The following ADRA1A variants were observed in gnomAD, a reference collection of about 807,000 sequenced individuals.
ADRA1A encodes the protein adrenoceptor alpha 1A.
ADRA1A carries 31 observed loss-of-function variants against 29.6 expected under a neutral mutation model. The ratio of observed to expected loss-of-function variants is 1.05; its 90% CI spans 0.79 to 1.41. The LOEUF (loss-of-function observed/expected upper bound fraction) is 1.41. Among genes scored for constraint, ADRA1A ranks in the 40% most tolerant of loss-of-function variants. The probability of loss-of-function intolerance (pLI) is 0.00; values close to 1 mark genes in which losing one functional copy is unlikely to be tolerated. For missense variants in ADRA1A, 619 were observed against 601.1 expected (o/e 1.03, Z -0.31); for synonymous variants, 311 against 254.3 (o/e 1.22, Z -2.12).
intron 2 of ADRA1A, among the ~76,000 whole-genome samples, chr8:26,788,982 G>A (rs190546598): frequency 2.2e-4 from 34 of 152,100 alleles, no homozygotes; most frequent in Middle Eastern, 6.8e-3. Context: ...TGTGCGGAAC[G>A]TGCACATTTG....
chr8:26,834,261 G>A (rs547778406), intron 2 of ADRA1A, among the ~76,000 whole-genome samples: 63 of 152,230 alleles, frequency 4.1e-4, no homozygotes, highest in Non-Finnish European at 6.6e-4. Flanking sequence ...TTCTGGGATC[G>A]AAGTCTTTAG....
chr8:26,836,790 A>G (rs1811397665), intron 2 of ADRA1A, among the ~76,000 whole-genome samples: 2 of 152,208 alleles, frequency 1.3e-5, no homozygotes, highest in African/African-American at 4.8e-5. Flanking sequence ...ATCTCTGCTC[A>G]TTGTTCAGAA....
chr8:26,864,742 G>T lies in ADRA1A; in HGVS notation c.228C>A (p.Thr76=). Reference sequence around the variant, plus strand: ...TGGCGGAGAAGGGCAGCACCGTGGAGGTGAGCAGGAGGTCGGCCACCGCCA... The same window carrying T: ...TGGCGGAGAAGGGCAGCACCGTGGATGTGAGCAGGAGGTCGGCCACCGCCA... ...VNLAVADLLL[T]STVLPFSAIF... is the part of the protein sequence containing the mutation. Residue 76 remains threonine, a synonymous_variant, in exon 2 of 3, where the codon ACC becomes ACA. Transcript: ENST00000380573. The surrounding 1 kb of genome is among the most constrained non-coding windows in gnomAD (Gnocchi z 8.1). 1 of 1,614,180 alleles carries T rather than the reference G, an allele frequency of 6.2e-7. No individual in the cohort carries two copies. The highest frequency in any genetic ancestry group is 8.5e-7 in the Non-Finnish European group (1 of 1,180,032).
chr8:26,798,168 A>G (rs747239684), intron 2 of ADRA1A, among the ~76,000 whole-genome samples: 1 of 152,108 alleles, frequency 6.6e-6, no homozygotes, highest in Non-Finnish European at 1.5e-5. Flanking sequence ...TAGTAGAGAC[A>G]GGGTTTTGCC....
intron 2 of ADRA1A, among the ~76,000 whole-genome samples, chr8:26,802,804 C>T (rs1808684198): frequency 6.6e-6 from 1 of 152,092 alleles, no homozygotes; most frequent in South Asian, 2.1e-4. Context: ...TCACAATAGC[C>T]AAGATTTGAA....
At chr8:26,780,630 G>A (rs1469902401) in intron 2 of ADRA1A, among the ~76,000 whole-genome samples, 1 of 152,152 alleles carries the variant, frequency 6.6e-6, no homozygotes, top group Non-Finnish European at 1.5e-5. Flanking sequence ...TTATAGCAGG[G>A]AAACCCCTGG....
intron 2 of ADRA1A, among the ~76,000 whole-genome samples, chr8:26,772,988 T>G (rs548123566): frequency 2.8e-4 from 43 of 152,370 alleles, no homozygotes; most frequent in African/African-American, 1.0e-3. Context: ...AGTCTTTGAA[T>G]GCCTGATTTG....
chr8:26,756,907 T>C, intron 2 of ADRA1A: 1 of 1,410,764 alleles, frequency 7.1e-7, no homozygotes, highest in Non-Finnish European at 9.5e-7. Context: ...ACCCAATGTG[T>C]CCATTTTTCC....
Position 26,799,573 on chromosome 8 carries a change from C to T in ADRA1A, c.884-28907G>A, listed in dbSNP as rs538609878. ...GTTCATTTGATTCTTTGAGGCATGG[C>T]CTTAAGCTTTGCCATTACTTTTAAG... is the stretch of plus-strand genomic sequence containing the variant. On this transcript the variant is annotated intron_variant, in intron 2 of 2. Transcript: ENST00000380573. Among the ~76,000 whole-genome samples, 167 of 152,278 alleles carry T rather than the reference C, an allele frequency of 1.1e-3. 1 individual carries two copies. The highest frequency in any genetic ancestry group is 2.0e-3 in the Non-Finnish European group (134 of 68,018).
Position 26,796,947 on chromosome 8 carries a change from G to A in ADRA1A, c.884-26281C>T, listed in dbSNP as rs549342654. Among the ~76,000 whole-genome samples the A allele has an allele frequency of 3.0e-4, 45 of 152,212 alleles. No homozygotes were observed. The highest frequency in any genetic ancestry group is 5.3e-4 in the Non-Finnish European group (36 of 68,008). On this transcript the variant is annotated intron_variant, in intron 2 of 2. Coordinates refer to ENST00000380573, the MANE Select transcript of ADRA1A (RefSeq NM_000680.4). The surrounding 1 kb of genome is among the most constrained non-coding windows in gnomAD (Gnocchi z 5.0). Reference sequence around the variant, plus strand: ...AGACTGGAATTGAGAGTGAAATGAAGGGAGTCGTATTAGAGCATGAGTTCT... The same window carrying A: ...AGACTGGAATTGAGAGTGAAATGAAAGGAGTCGTATTAGAGCATGAGTTCT...
intron 2 of ADRA1A, among the ~76,000 whole-genome samples, chr8:26,812,641 AT>A (rs1367010246): frequency 6.7e-6 from 1 of 150,046 alleles, no homozygotes; most frequent in African/African-American, 2.4e-5. Context: ...TTATTTATTT[AT>A]TTATTTATTT....
intron 2 of ADRA1A, among the ~76,000 whole-genome samples, chr8:26,853,311 G>C (rs975660905): frequency 6.6e-6 from 1 of 152,186 alleles, no homozygotes; most frequent in Non-Finnish European, 1.5e-5. Flanking sequence ...GATGTTAGCA[G>C]ATGTGCTTAA....
chr8:26,779,634 C>T (rs1343694172), intron 2 of ADRA1A, among the ~76,000 whole-genome samples: 1 of 151,932 alleles, frequency 6.6e-6, no homozygotes. Flanking sequence ...TTGGGGAAGG[C>T]TTTGGGAGGA....
At chr8:26,840,486 T>C (rs1277372859) in intron 2 of ADRA1A, among the ~76,000 whole-genome samples, 1 of 152,134 alleles carries the variant, frequency 6.6e-6, no homozygotes, top group Non-Finnish European at 1.5e-5. Context: ...CCCTAGACTT[T>C]GGTTTGGAAA....
chr8:26,803,149 A>G (rs1471270719), intron 2 of ADRA1A, among the ~76,000 whole-genome samples: 1 of 152,056 alleles, frequency 6.6e-6, no homozygotes, highest in Non-Finnish European at 1.5e-5. Flanking sequence ...ATGAAGAATG[A>G]TATCTAGTAT....
intron 2 of ADRA1A, chr8:26,859,128 C>G (rs1252396642): frequency 7.8e-7 from 1 of 1,289,974 alleles, no homozygotes; most frequent in East Asian, 5.5e-5. Flanking sequence ...TTTTTAATCT[C>G]TTTCCTCTCC....
chr8:26,850,630 G>GA (rs1174608700), intron 2 of ADRA1A, among the ~76,000 whole-genome samples: 3 of 152,282 alleles, frequency 2.0e-5, no homozygotes, highest in African/African-American at 7.2e-5. Flanking sequence ...TGAATAGCTA[G>GA]AATTACAGGT....
chr8:26,865,726 C>T lies in ADRA1A; in HGVS notation c.-686-71G>A, dbSNP rs371014394. On this transcript the variant is annotated intron_variant, in intron 1 of 2. Transcript: ENST00000380573. This position sits in a 1 kb window ranked among gnomAD's most constrained non-coding sequence, Gnocchi z 7.6. ...GGGAAAGAGGCTGTGCTGAGCTTGA[C>T]GGGTTGGGGGACACCAGTTGGGAGC... is the stretch of plus-strand genomic sequence containing the variant. 3.0e-6 allele frequency: 3 copies of T among 985,452 alleles called. No homozygotes were observed. The highest frequency in any genetic ancestry group is 1.7e-5 in the African/African-American group (1 of 57,336). The allele number at this position is 985,452 out of a possible 1,614,324, so 61.0% of individuals were successfully genotyped here. A position where few individuals can be genotyped will look rare whatever the true frequency, so the allele number is the denominator to read the frequency against.
intron 2 of ADRA1A, chr8:26,859,032 C>T (rs1442246208): frequency 4.0e-6 from 5 of 1,237,124 alleles, no homozygotes; most frequent in African/African-American, 1.6e-5. Flanking sequence ...GCCTACTCAC[C>T]TGATTTTCCT....
Sources: allele counts gnomAD v4.1 joint callset (sites outside exome capture counted in the v4.1 genomes callset), GRCh38; gene constraint gnomAD v4.1.1; non-coding constraint Gnocchi (gnomAD v3.1); transcripts MANE v1.5; gene names NCBI Gene and HGNC (gene_info 2026-07-23, HGNC 2026-07-21).